DRC3: variants seen among roughly 807,000 people sequenced by gnomAD.
The protein encoded by DRC3 is dynein regulatory complex subunit 3, also known as leucine rich repeat containing 48.
DRC3 carries 45 observed loss-of-function variants against 57.6 expected under a neutral mutation model. The ratio of observed to expected loss-of-function variants is 0.78; its 90% confidence interval spans 0.62 to 1.00. DRC3 has a LOEUF of 1.00. Ranked by LOEUF, DRC3 falls within the 50% of genes least tolerant of loss-of-function variation. DRC3 has a pLI of 0.00. For missense variants in DRC3, 655 were observed against 675.2 expected (o/e 0.97, Z 0.33); for synonymous variants, 257 against 272.3 (o/e 0.94, Z 0.55).
Position 18,016,073 on chromosome 17 carries a change from G to C in DRC3, c.1336G>C (p.Asp446His), listed in dbSNP as rs571427963. Residue 446 changes from aspartate (D) to histidine (H), a missense_variant, in exon 13 of 14, where the codon GAT (aspartate) becomes CAT (histidine). Physicochemically the swap from Asp to His is moderately conservative, Grantham distance 81. Coordinates refer to ENST00000399187, the MANE Select transcript of DRC3 (RefSeq NM_031294.4). ...LPNDLRALFV[D>H]KDTIVNAVGA... ...TCTTTTCACTCACCAGCTTTTTGTC[G>C]ATAAAGATACGATTGTTAATGCTGT... 9 of 1,613,264 alleles carry C rather than the reference G, an allele frequency of 5.6e-6. No homozygotes were observed. The highest frequency in any genetic ancestry group is 5.9e-6 in the Non-Finnish European group (7 of 1,179,456).
chr17:17,987,514 G>T (rs2043018040), intron 4 of DRC3, among the ~76,000 whole-genome samples: 1 of 152,168 alleles, frequency 6.6e-6, no homozygotes, highest in Non-Finnish European at 1.5e-5. Context: ...ACGAGTGCTT[G>T]ATAAACTGGT....
chr17:18,007,215 C>A (rs1407926232), intron 12 of DRC3, 68 bp downstream of exon 12: 1 of 42,188 alleles, frequency 2.4e-5, no homozygotes, highest in Non-Finnish European at 3.0e-5. Context: ...TGGACTGAGG[C>A]TCTGTGAGTA....
chr17:18,016,331 C>G (rs748904097), intron 13 of DRC3, 136 bp downstream of exon 13: 17 of 1,061,492 alleles, frequency 1.6e-5, no homozygotes, highest in Admixed American at 4.4e-5. Flanking sequence ...TTATAGAATT[C>G]CACACTGAAG....
At chr17:17,976,911 C>A (rs183844442) in intron 2 of DRC3, among the ~76,000 whole-genome samples, 1 of 151,858 alleles carries the variant, frequency 6.6e-6, no homozygotes, top group Non-Finnish European at 1.5e-5. Flanking sequence ...CCTCCTCCCC[C>A]TCTTGCTCTC....
Position 18,008,753 on chromosome 17 carries a change from A to G in DRC3, c.1326+1606A>G, listed in dbSNP as rs1472877434. Among the ~76,000 whole-genome samples the G allele has an allele frequency of 6.6e-6, 1 of 152,230 alleles. No homozygotes were observed. The highest frequency in any genetic ancestry group is 1.5e-5 in the Non-Finnish European group (1 of 68,030). ...CAGGAAAACACCACCTTCCCTGTGA[A>G]GTAAGGCTGTCCCTGAGTGCCCAGT... is the stretch of plus-strand genomic sequence containing the variant. On this transcript the variant is annotated intron_variant, in intron 12 of 13. Transcript: ENST00000399187. This position sits in a 1 kb window ranked among gnomAD's most constrained non-coding sequence, Gnocchi z 4.3.
Position 18,004,387 on chromosome 17 carries a change from T to G in DRC3, c.1024T>G (p.Leu342Val), listed in dbSNP as rs148107258. The G allele has an allele frequency of 1.0e-4, 161 of 1,606,132 alleles. No homozygotes were observed. The African/African-American group carries it at 1.9e-3, about 19-fold the overall frequency. ...LSSLSAIREE[L>V]ELPNIEKMIL... Reference sequence around the variant, plus strand: ...GAGTTTAAGTGCCATTCGAGAGGAGTTGGAACTGCCCAACATTGAGAAGAT... The same window carrying G: ...GAGTTTAAGTGCCATTCGAGAGGAGGTGGAACTGCCCAACATTGAGAAGAT... The change falls in exon 10 of 14, where the codon TTG (leucine) becomes GTG (valine). Residue 342 changes from leucine (L) to valine (V), a missense_variant. By Grantham distance (32) the Leu-to-Val change is conservative. Coordinates refer to ENST00000399187, the MANE Select transcript of DRC3 (RefSeq NM_031294.4).
rs184101261 is a variant in DRC3, at chr17:18,014,660, T to C, written c.1327-1404T>C. 2.4e-3 allele frequency among the ~76,000 whole-genome samples: 371 copies of C among 152,336 alleles called. 2 individuals are homozygous for C. The highest frequency in any genetic ancestry group is 8.6e-3 in the African/African-American group (357 of 41,560). ...CATATTCAAACTCTGAGGGGTATGA[T>C]TTCTCTGCCTGGCTTAGAGCTCCAC... On this transcript the variant is annotated intron_variant, in intron 12 of 13. Transcript: ENST00000399187.
Position 17,988,022 on chromosome 17 carries a change from A to G in DRC3, c.368A>G (p.Lys123Arg), listed in dbSNP as rs773263303. 8 of 1,614,028 alleles carry G rather than the reference A, an allele frequency of 5.0e-6. No individual in the cohort carries two copies. Reference sequence around the variant, plus strand: ...AGCTTGTTCAACAACCGGATCTCCAAGATCGACTCCCTGGACGCCCTCGTC... The same window carrying G: ...AGCTTGTTCAACAACCGGATCTCCAGGATCGACTCCCTGGACGCCCTCGTC... ...DLSLFNNRIS[K>R]IDSLDALVKL... is the part of the protein sequence containing the mutation. Residue 123 changes from lysine (K) to arginine (R), a missense_variant, in exon 5 of 14, where the codon AAG becomes AGG. Physicochemically the swap from Lys to Arg is conservative, Grantham distance 26. Coordinates refer to ENST00000399187, the MANE Select transcript of DRC3 (RefSeq NM_031294.4).
At chr17:17,995,343 C>T (rs533510758) in intron 8 of DRC3, among the ~76,000 whole-genome samples, 59 of 152,354 alleles carry the variant, frequency 3.9e-4, no homozygotes, top group African/African-American at 1.3e-3. Flanking sequence ...GTCAGCATGG[C>T]ATGGGCTGGC....
intron 2 of DRC3, among the ~76,000 whole-genome samples, chr17:17,976,068 T>C (rs1181422779): frequency 2.0e-5 from 3 of 151,852 alleles, no homozygotes; most frequent in African/African-American, 7.3e-5. Flanking sequence ...CCCAGTGGAA[T>C]GAAAAACAGA....
chr17:18,000,191 CCTCT>C (rs752365767), intron 9 of DRC3, among the ~76,000 whole-genome samples: 4 of 133,328 alleles, frequency 3.0e-5, no homozygotes, highest in Admixed American at 7.5e-5. Flanking sequence ...ACTTTGCTTT[CCTCT>C]GTGTGTGTGT....
chr17:18,004,470 G>T lies in DRC3; in HGVS notation c.1107G>T (p.Glu369Asp). 1 of 1,611,414 alleles carries T rather than the reference G, an allele frequency of 6.2e-7. No homozygotes were observed. Among genetic ancestry groups the T allele is most frequent in the South Asian group, 1.1e-5 (1 of 90,268 alleles). ...SELFDALMTL[E>D]MQLVEQLEET... The stretch of plus-strand genomic sequence containing the variant: ...TGTTCGATGCGCTCATGACGCTGGA[G>T]ATGCAGCTGGTGGAGCAGCTGGAGG... Residue 369 changes from glutamate (E) to aspartate (D), a missense_variant, in exon 10 of 14, where the codon GAG (glutamate) becomes GAT (aspartate). Physicochemically the swap from Glu to Asp is conservative, Grantham distance 45. Transcript: ENST00000399187.
Position 17,997,563 on chromosome 17 carries a change from C to A in DRC3, c.928C>A (p.Arg310Ser). 1 of 1,610,070 alleles carries A rather than the reference C, an allele frequency of 6.2e-7. No homozygotes were observed. The highest frequency in any genetic ancestry group is 8.5e-7 in the Non-Finnish European group (1 of 1,178,376). ...GCTTGACACCTTCAGTGAATGTGTC[C>A]GTGAGGCCATCCAGGAAAACCAGGA... ...TELDTFSECVREAIQENQEQG... is the reference protein window; with the variant it reads ...TELDTFSECVSEAIQENQEQG... Residue 310 changes from arginine (R) to serine (S), a missense_variant, in exon 9 of 14, where the codon CGT (arginine) becomes AGT (serine). Arg to Ser is a moderately radical substitution (Grantham distance 110). Transcript: ENST00000399187.
rs368791219 is a variant in DRC3, at chr17:18,016,586, G to A, written c.1487G>A (p.Arg496His). Residue 496 changes from arginine to histidine, a missense_variant, in exon 14 of 14, where the codon CGC becomes CAC. Physicochemically the swap from Arg to His is conservative, Grantham distance 29. Transcript: ENST00000399187. ...CACAAGGATGAGATCATGAGGAACC[G>A]CAAGCGCGTGAAGGAGATCAATCAG... Reference protein sequence around the residue: ...RIHKDEIMRNRKRVKEINQYI... With the variant: ...RIHKDEIMRNHKRVKEINQYI... 1.5e-5 allele frequency: 25 copies of A among 1,613,576 alleles called. No homozygotes were observed. The highest frequency in any genetic ancestry group is 6.7e-5 in the Admixed American group (4 of 59,968).
rs982964002 is a variant in DRC3, at chr17:17,988,308, G to C, written c.444+210G>C. ...CAACAAAATTCATCGGAGAGCACTA[G>C]TTTACAACCTCCACATTAGTGGCGG... On this transcript the variant is annotated intron_variant, in intron 5 of 13. Transcript: ENST00000399187. 17 of 581,442 alleles carry C rather than the reference G, an allele frequency of 2.9e-5. No homozygotes were observed. The Admixed American group carries it at 3.1e-4, about 11-fold the overall frequency. 36.0% of individuals were successfully genotyped at this position (581,442 alleles called of 1,614,324 possible).
intron 3 of DRC3, among the ~76,000 whole-genome samples, chr17:17,980,688 G>C (rs538521233): frequency 6.9e-6 from 1 of 145,788 alleles, no homozygotes; most frequent in Admixed American, 7.1e-5. Flanking sequence ...TTCACCTCCC[G>C]GGTTCAAGTG....
intron 3 of DRC3, among the ~76,000 whole-genome samples, chr17:17,982,114 T>A (rs1172729394): frequency 1.8e-4 from 27 of 152,042 alleles, no homozygotes; most frequent in Non-Finnish European, 5.9e-5. Flanking sequence ...TGCCTCAGCC[T>A]CCAGAGTAGC....
chr17:18,007,427 G>A (rs1222874896), intron 12 of DRC3: 4 of 1,551,568 alleles, frequency 2.6e-6, no homozygotes, highest in Non-Finnish European at 3.5e-6. Flanking sequence ...ATTATGTGGA[G>A]GCTTCTGGCA....
intron 3 of DRC3, among the ~76,000 whole-genome samples, chr17:17,980,626 C>T (rs1247432742): frequency 9.6e-5 from 13 of 134,796 alleles, no homozygotes; most frequent in Non-Finnish European, 1.4e-4. Context: ...GATGGAGTCT[C>T]ACTCTGTCGC....
Sources: allele counts gnomAD v4.1 joint callset (sites outside exome capture counted in the v4.1 genomes callset), GRCh38; gene constraint gnomAD v4.1.1; non-coding constraint Gnocchi (gnomAD v3.1); transcripts MANE v1.5; gene names NCBI Gene and HGNC (gene_info 2026-07-23, HGNC 2026-07-21).